PCED1B: variants seen among roughly 807,000 people sequenced by gnomAD.
PCED1B encodes PC-esterase domain containing 1B, also known as PC-esterase domain-containing protein 1B.
For synonymous variants in PCED1B, 251 were observed against 246.1 expected, an observed-to-expected ratio of 1.02 and a Z score of -0.19; for missense variants, 573 against 573.9, an observed-to-expected ratio of 1.00 and a Z score of 0.02.
At chr12:47,158,185 C>T (rs566543437) in intron 2 of PCED1B, among the ~76,000 whole-genome samples, 107 of 152,314 alleles carry the variant, frequency 7.0e-4, no homozygotes, top group South Asian at 1.5e-3. Flanking sequence ...GAAGTGGAAT[C>T]GCTAGATCAT....
chr12:47,216,494 G>A lies in PCED1B; in HGVS notation c.-253G>A, dbSNP rs993386767. On this transcript the variant is annotated 5_prime_UTR_variant, in exon 3 of 4. Transcript: ENST00000546455. ...TGTGTCGTTTGCCCCAGATGCCACC[G>A]GAAATGTCATCTTCTCCCCAGACGC... The A allele has an allele frequency of 5.3e-5, 8 of 152,150 alleles. No individual in the cohort carries two copies. The highest frequency in any genetic ancestry group is 2.6e-4 in the Admixed American group (4 of 15,270). 9.4% of individuals were successfully genotyped at this position (152,150 alleles called of 1,614,324 possible).
At chr12:47,190,922 C>T (rs1435131479) in intron 2 of PCED1B, among the ~76,000 whole-genome samples, 1 of 152,134 alleles carries the variant, frequency 6.6e-6, no homozygotes, top group African/African-American at 2.4e-5. Context: ...TGTCCCTCAG[C>T]CAATCGAACT....
intron 2 of PCED1B, among the ~76,000 whole-genome samples, chr12:47,161,566 C>T (rs144845106): frequency 2.8e-4 from 43 of 152,266 alleles, no homozygotes; most frequent in African/African-American, 9.9e-4. Flanking sequence ...GGTTGAGATA[C>T]CTTCTCACAC....
intron 2 of PCED1B, among the ~76,000 whole-genome samples, chr12:47,143,537 T>A (rs189741272): frequency 2.0e-5 from 3 of 152,164 alleles, no homozygotes; most frequent in Admixed American, 1.3e-4. Context: ...AGATGAAAGA[T>A]CTGTACACAG....
chr12:47,108,990 A>G (rs1288082055), intron 2 of PCED1B, among the ~76,000 whole-genome samples: 1 of 152,216 alleles, frequency 6.6e-6, no homozygotes, highest in South Asian at 2.1e-4. Flanking sequence ...GAATTCTTTC[A>G]TCTTTTGGAT....
intron 2 of PCED1B, among the ~76,000 whole-genome samples, chr12:47,175,031 A>T (rs890510588): frequency 6.6e-6 from 1 of 152,244 alleles, no homozygotes; most frequent in Non-Finnish European, 1.5e-5. Flanking sequence ...TATATACCAT[A>T]TATATCTAGA....
chr12:47,092,176 C>T (rs183883564), intron 1 of PCED1B, among the ~76,000 whole-genome samples: 37 of 152,102 alleles, frequency 2.4e-4, no homozygotes, highest in African/African-American at 8.4e-4. Context: ...TATAATGATG[C>T]ATATACTTCC....
chr12:47,094,828 C>CA (rs759432058), intron 1 of PCED1B, among the ~76,000 whole-genome samples: 7 of 151,900 alleles, frequency 4.6e-5, no homozygotes, highest in Non-Finnish European at 1.0e-4. Flanking sequence ...TTACCCTCAC[C>CA]AGTGTTTTTT....
chr12:47,148,163 A>T (rs1038250643), intron 2 of PCED1B, among the ~76,000 whole-genome samples: 2 of 152,186 alleles, frequency 1.3e-5, no homozygotes, highest in Non-Finnish European at 2.9e-5. Context: ...CTTTTATAAC[A>T]ACCCATTTTC....
chr12:47,152,448 C>T (rs146773970), intron 2 of PCED1B, among the ~76,000 whole-genome samples: 47 of 152,212 alleles, frequency 3.1e-4, no homozygotes, highest in African/African-American at 5.5e-4. Flanking sequence ...TTGAAAGACT[C>T]TTCATAATAT....
chr12:47,220,605 C>T (rs759469104), intron 3 of PCED1B, among the ~76,000 whole-genome samples: 4 of 152,116 alleles, frequency 2.6e-5, no homozygotes, highest in Admixed American at 6.6e-5. Flanking sequence ...CAGTGAGTGC[C>T]GATGATTACT....
intron 2 of PCED1B, among the ~76,000 whole-genome samples, chr12:47,151,843 C>T (rs530476520): frequency 1.3e-5 from 2 of 152,280 alleles, no homozygotes; most frequent in South Asian, 4.1e-4. Flanking sequence ...CTACTTCACT[C>T]AGTCTGGCCA....
intron 2 of PCED1B, among the ~76,000 whole-genome samples, chr12:47,215,886 C>T (rs571897053): frequency 3.4e-4 from 49 of 143,796 alleles, no homozygotes; most frequent in Non-Finnish European, 6.7e-4. Flanking sequence ...GAAACACCAT[C>T]TCTACTAAAA....
intron 2 of PCED1B, among the ~76,000 whole-genome samples, chr12:47,112,281 A>T (rs1003726917): frequency 2.0e-5 from 3 of 152,308 alleles, no homozygotes. Flanking sequence ...GCATCAGGGG[A>T]TTCCTCTCAG....
chr12:47,167,434 T>C (rs1941580159), intron 2 of PCED1B, among the ~76,000 whole-genome samples: 1 of 152,110 alleles, frequency 6.6e-6, no homozygotes, highest in South Asian at 2.1e-4. Context: ...CCTCAGATGA[T>C]CACTCAAAGC....
chr12:47,114,581 G>T (rs544742375), intron 2 of PCED1B, among the ~76,000 whole-genome samples: 1 of 152,122 alleles, frequency 6.6e-6, no homozygotes, highest in East Asian at 1.9e-4. Context: ...TTACATTGCC[G>T]TTGTTTAGAG....
intron 3 of PCED1B, among the ~76,000 whole-genome samples, chr12:47,217,468 AAGAG>A (rs751266341): frequency 2.4e-5 from 1 of 42,298 alleles, no homozygotes. Context: ...AAAAGAAAGA[AAGAG>A]AAAGAAAGAA....
chr12:47,188,663 T>C (rs1942351749), intron 2 of PCED1B, among the ~76,000 whole-genome samples: 1 of 152,204 alleles, frequency 6.6e-6, no homozygotes, highest in African/African-American at 2.4e-5. Context: ...GCAAACATAG[T>C]ACAGAAGTTC....
chr12:47,085,651 AT>A (rs1937943211), intron 1 of PCED1B, among the ~76,000 whole-genome samples: 1 of 152,220 alleles, frequency 6.6e-6, no homozygotes, highest in Non-Finnish European at 1.5e-5. Flanking sequence ...AAAAGAAAAA[AT>A]ATATATGTAT....
Sources: gnomAD v4.1 joint callset for allele counts (sites outside exome capture counted in the v4.1 genomes callset) on GRCh38, gnomAD v4.1.1 for gene constraint, MANE v1.5 for transcripts, NCBI Gene and HGNC (gene_info 2026-07-23, HGNC 2026-07-21) for gene names.